FNDC3A: variants seen among roughly 807,000 people sequenced by gnomAD.
FNDC3A encodes fibronectin type-III domain-containing protein 3A.
In FNDC3A, 32 loss-of-function variants were observed where a neutral mutation model predicts 148.9. The observed-to-expected ratio is 0.21, with a 90% CI of 0.16 to 0.29. FNDC3A has a LOEUF of 0.29. Among genes scored for constraint, FNDC3A ranks in the 10% least tolerant of loss-of-function variants. The pLI is 1.00. For missense variants in FNDC3A, 1,191 were observed against 1,452.8 expected (o/e 0.82, Z 2.93); for synonymous variants, 472 against 473.6 (o/e 1.00, Z 0.04).
At chr13:48,988,579 A>C (rs750277234) in intron 1 of FNDC3A, among the ~76,000 whole-genome samples, 4 of 152,150 alleles carry the variant, frequency 2.6e-5, no homozygotes, top group Non-Finnish European at 5.9e-5. Context: ...CTTGGCTCAC[A>C]CTTAATAGTC....
intron 9 of FNDC3A, 56 bp downstream of exon 9, chr13:49,167,359 TA>T (rs1884527602): frequency 3.3e-6 from 3 of 921,038 alleles, no homozygotes; most frequent in Non-Finnish European, 4.9e-6. Context: ...GTTTTTTTTT[TA>T]AATAATTATT....
At chr13:48,982,034 A>G (rs927263168) in intron 1 of FNDC3A, among the ~76,000 whole-genome samples, 21 of 152,162 alleles carry the variant, frequency 1.4e-4, no homozygotes, top group African/African-American at 4.8e-4. Context: ...TTCTAAACAG[A>G]TATTTAAGTA....
At position 49,209,320 on chromosome 13, in the gene FNDC3A, A is replaced by C. The variant is rs922690464; in HGVS notation, c.*1925A>C. On this transcript the variant is annotated 3_prime_UTR_variant, in exon 26 of 26. Coordinates refer to ENST00000492622, the MANE Select transcript of FNDC3A (RefSeq NM_001079673.2). ...CTATTTTTGATAGTAAATGTCATTT[A>C]ATAGTATACTTGCCATTTGAGCCTC... 1 of 152,676 alleles carries C rather than the reference A, an allele frequency of 6.5e-6. No homozygotes were observed. The highest frequency in any genetic ancestry group is 1.5e-5 in the Non-Finnish European group (1 of 68,036). The allele number at this position is 152,676 out of a possible 1,614,324, so 9.5% of individuals were successfully genotyped here.
At chr13:49,177,747 T>C (rs1032586309) in intron 13 of FNDC3A, among the ~76,000 whole-genome samples, 2 of 152,186 alleles carry the variant, frequency 1.3e-5, no homozygotes, top group Non-Finnish European at 2.9e-5. Context: ...CCAACCTTGA[T>C]GACCTATATG....
chr13:49,073,204 C>T (rs1566232223), intron 2 of FNDC3A, among the ~76,000 whole-genome samples: 1 of 151,694 alleles, frequency 6.6e-6, no homozygotes, highest in Non-Finnish European at 1.5e-5. Context: ...AAAGAAAAGG[C>T]AGAAAACAAA....
intron 3 of FNDC3A, among the ~76,000 whole-genome samples, chr13:49,105,616 C>G (rs1295817034): frequency 6.6e-6 from 1 of 152,184 alleles, no homozygotes; most frequent in Non-Finnish European, 1.5e-5. Flanking sequence ...GACTAATAGA[C>G]ATTTCTAACG....
intron 2 of FNDC3A, among the ~76,000 whole-genome samples, chr13:49,051,084 T>G (rs1166193744): frequency 6.6e-6 from 1 of 152,228 alleles, no homozygotes; most frequent in Non-Finnish European, 1.5e-5. Flanking sequence ...ACTTGGTTGG[T>G]AAATTCTTAT....
rs548313118 is a variant in FNDC3A at position 49,205,494 on chromosome 13, T to C, written c.3283-1587T>C. Among the ~76,000 whole-genome samples, 205 of 152,316 alleles carry C rather than the reference T, an allele frequency of 1.3e-3. 1 individual carries two copies. The highest frequency in any genetic ancestry group is 4.7e-3 in the African/African-American group (197 of 41,570). On this transcript the variant is annotated intron_variant, in intron 25 of 25. Transcript: ENST00000492622. ...AAATGTTCCACCCAAAATCTGAAAC[T>C]TTTTGAGGATCGATATGACACTCAA... is the stretch of plus-strand genomic sequence containing the variant.
At chr13:49,065,124 T>C (rs1877176241) in intron 2 of FNDC3A, among the ~76,000 whole-genome samples, 1 of 152,216 alleles carries the variant, frequency 6.6e-6, no homozygotes, top group African/African-American at 2.4e-5. Flanking sequence ...GGGCAGTCTT[T>C]GCACTGGTCT....
chr13:49,050,754 A>G (rs946746410), intron 2 of FNDC3A, among the ~76,000 whole-genome samples: 1 of 152,134 alleles, frequency 6.6e-6, no homozygotes, highest in African/African-American at 2.4e-5. Context: ...AAAGTTCTCC[A>G]CTATTACTGT....
At chr13:49,110,364 G>T (rs770479639) in intron 3 of FNDC3A, 7 of 1,612,082 alleles carry the variant, frequency 4.3e-6, no homozygotes, top group African/African-American at 1.3e-5. Context: ...TTCCTTGTTG[G>T]ATTTTCTTGT....
chr13:49,062,082 A>G (rs1414623213), intron 2 of FNDC3A, among the ~76,000 whole-genome samples: 2 of 152,074 alleles, frequency 1.3e-5, no homozygotes, highest in African/African-American at 4.8e-5. Context: ...GCCCCGAAGT[A>G]TCACCATGTT....
chr13:49,019,499 G>C (rs1008052251), intron 2 of FNDC3A, among the ~76,000 whole-genome samples: 1 of 152,194 alleles, frequency 6.6e-6, no homozygotes, highest in Non-Finnish European at 1.5e-5. Flanking sequence ...TGCGCCCACT[G>C]TCTGGCACTC....
At chr13:49,113,260 C>T (rs1332403055) in intron 3 of FNDC3A, among the ~76,000 whole-genome samples, 1 of 151,348 alleles carries the variant, frequency 6.6e-6, no homozygotes, top group Non-Finnish European at 1.5e-5. Flanking sequence ...GCTTGCTTCC[C>T]CCTTTTTTCC....
intron 2 of FNDC3A, among the ~76,000 whole-genome samples, chr13:49,073,732 GTA>G (rs1411044509): frequency 7.1e-6 from 1 of 141,806 alleles, no homozygotes; most frequent in African/African-American, 2.6e-5. Context: ...TAATATATAT[GTA>G]TATATAATAT....
At chr13:49,002,814 G>A (rs772050661) in intron 1 of FNDC3A, among the ~76,000 whole-genome samples, 5 of 152,162 alleles carry the variant, frequency 3.3e-5, no homozygotes, top group Admixed American at 6.5e-5. Context: ...TCCATTGAAT[G>A]AAACAGCCAC....
intron 2 of FNDC3A, among the ~76,000 whole-genome samples, chr13:49,049,590 T>C: frequency 6.6e-6 from 1 of 152,240 alleles, no homozygotes; most frequent in East Asian, 1.9e-4. Context: ...TTCTAATTTA[T>C]ACACATAAAG....
At chr13:49,008,595 G>T (rs888300841) in intron 2 of FNDC3A, among the ~76,000 whole-genome samples, 1 of 152,026 alleles carries the variant, frequency 6.6e-6, no homozygotes, top group Non-Finnish European at 1.5e-5. Flanking sequence ...CTTATAGTTG[G>T]CTATTAAGAT....
At chr13:49,030,646 T>C (rs1393004289) in intron 2 of FNDC3A, among the ~76,000 whole-genome samples, 10 of 152,158 alleles carry the variant, frequency 6.6e-5, no homozygotes, top group Admixed American at 4.6e-4. Context: ...TTGGAACTAA[T>C]AAACAAGTTC....
Sources: gnomAD v4.1 joint callset for allele counts (sites outside exome capture counted in the v4.1 genomes callset) on GRCh38, gnomAD v4.1.1 for gene constraint, MANE v1.5 for transcripts, NCBI Gene and HGNC (gene_info 2026-07-23, HGNC 2026-07-21) for gene names.